The following PPM1B variants were observed in gnomAD, a reference collection of about 807,000 sequenced individuals.
PPM1B encodes the protein protein phosphatase, Mg2+/Mn2+ dependent 1B, also known as protein phosphatase 1B.
A neutral mutation model predicts 43.0 loss-of-function variants in PPM1B; 22 were observed. The ratio of observed to expected loss-of-function variants is 0.51; its 90% CI spans 0.37 to 0.73. PPM1B has a LOEUF of 0.73. PPM1B is among the 30% of genes least tolerant of loss of function. The probability of loss-of-function intolerance (pLI) is 0.00; values close to 1 mark genes in which losing one functional copy is unlikely to be tolerated. For synonymous variants in PPM1B, 217 were observed against 197.9 expected, an observed-to-expected ratio of 1.10 and a Z score of -0.81; for missense variants, 632 against 584.2, an observed-to-expected ratio of 1.08 and a Z score of -0.84.
chr2:44,209,371 TAG>T (rs1451081790), intron 3 of PPM1B, 44 bp downstream of exon 3: 1 of 1,603,284 alleles, frequency 6.2e-7, no homozygotes, highest in African/African-American at 1.3e-5. Context: ...CCAGGCACGG[TAG>T]CTCATGCCTG....
intron 1 of PPM1B, among the ~76,000 whole-genome samples, chr2:44,178,068 C>T (rs908608925): frequency 6.6e-6 from 1 of 151,796 alleles, no homozygotes; most frequent in Admixed American, 6.6e-5. Context: ...CAGGCGTGCA[C>T]CAACACATCT....
At chr2:44,245,159 C>A (rs1670833230), downstream of PPM1B, among the ~76,000 whole-genome samples, 1 of 152,146 alleles carries the variant, frequency 6.6e-6, no homozygotes, top group Non-Finnish European at 1.5e-5. Flanking sequence ...GCCAATAAAG[C>A]AAACTCTTTG....
At chr2:44,206,359 T>G (rs182000382) in intron 2 of PPM1B, among the ~76,000 whole-genome samples, 4 of 152,162 alleles carry the variant, frequency 2.6e-5, no homozygotes, top group Non-Finnish European at 5.9e-5. Flanking sequence ...CTGAAACATA[T>G]TCATACTTGG....
chr2:44,221,837 A>G (rs967828999), intron 5 of PPM1B, among the ~76,000 whole-genome samples: 3 of 152,120 alleles, frequency 2.0e-5, no homozygotes, highest in African/African-American at 2.4e-5. Flanking sequence ...AGTAATTTTA[A>G]TATATATTCA....
intron 1 of PPM1B, among the ~76,000 whole-genome samples, chr2:44,189,480 T>G (rs1278056655): frequency 1.3e-5 from 2 of 152,180 alleles, no homozygotes; most frequent in Non-Finnish European, 1.5e-5. Context: ...TTTATTTATT[T>G]ATTGATTTTC....
intron 2 of PPM1B, 103 bp downstream of exon 2, chr2:44,202,148 A>C (rs1487117958): frequency 1.7e-6 from 2 of 1,166,330 alleles, no homozygotes; most frequent in Non-Finnish European, 2.3e-6. Context: ...ATATTTTCAC[A>C]GAAGCTGTAT....
chr2:44,194,853 A>T (rs553784794), intron 1 of PPM1B, among the ~76,000 whole-genome samples: 4 of 150,118 alleles, frequency 2.7e-5, no homozygotes, highest in Non-Finnish European at 5.9e-5. Context: ...CTAAACCCAG[A>T]GTCTCTATAG....
chr2:44,200,822 A>T (rs1469353989), intron 1 of PPM1B, among the ~76,000 whole-genome samples: 1 of 152,210 alleles, frequency 6.6e-6, no homozygotes, highest in Non-Finnish European at 1.5e-5. Context: ...TCACCTTGTA[A>T]ATTAAATCAG....
At chr2:44,197,920 C>T (rs1668738578) in intron 1 of PPM1B, among the ~76,000 whole-genome samples, 1 of 152,076 alleles carries the variant, frequency 6.6e-6, no homozygotes, top group African/African-American at 2.4e-5. Context: ...TGTTACTTTT[C>T]TAGTCGAAAG....
chr2:44,201,998 G>T lies in PPM1B; in HGVS notation c.799G>T (p.Asp267Tyr). The T allele has an allele frequency of 6.2e-7, 1 of 1,611,070 alleles. No homozygotes were observed. Among genetic ancestry groups the T allele is most frequent in the South Asian group, 1.1e-5 (1 of 90,496 alleles). The change falls in exon 2 of 6, where the codon GAC becomes TAC. Residue 267 changes from aspartate to tyrosine, a missense_variant. Asp to Tyr is a radical substitution (Grantham distance 160). Around this residue, in one of 3 missense-constraint regions of PPM1B, gnomAD observed 392 missense variants for 302.7 expected, o/e 1.29. Coordinates refer to ENST00000282412, the MANE Select transcript of PPM1B (RefSeq NM_002706.6). This position sits in a 1 kb window ranked among gnomAD's most constrained non-coding sequence, Gnocchi z 5.4. ...YVKSRLEVSD[D>Y]LENVCNWVVD... The stretch of plus-strand genomic sequence containing the variant: ...TAAATCTAGGCTTGAGGTATCTGAT[G>T]ACCTGGAAAATGTGTGCAATTGGGT...
At chr2:44,219,911 C>G (rs1669894193) in intron 5 of PPM1B, among the ~76,000 whole-genome samples, 3 of 151,454 alleles carry the variant, frequency 2.0e-5, no homozygotes. Flanking sequence ...CCATTGCACT[C>G]CACCCTGGGC....
chr2:44,211,687 C>T (rs1669473323), intron 3 of PPM1B, among the ~76,000 whole-genome samples: 1 of 150,318 alleles, frequency 6.7e-6, no homozygotes, highest in Non-Finnish European at 1.5e-5. Flanking sequence ...TTTTAGCATC[C>T]ATTTGCGATT....
chr2:44,244,389 T>C (rs1179401093), downstream of PPM1B: 3 of 1,340,144 alleles, frequency 2.2e-6, no homozygotes, highest in Admixed American at 5.9e-5. Context: ...ATTATAGTAT[T>C]TGTACTGCTG....
At chr2:44,237,829 CT>C (rs1433991161), downstream of PPM1B, among the ~76,000 whole-genome samples, 1 of 150,874 alleles carries the variant, frequency 6.6e-6, no homozygotes, top group African/African-American at 2.4e-5. Flanking sequence ...TTTACACTTA[CT>C]TTTTTGGGCA....
intron 1 of PPM1B, among the ~76,000 whole-genome samples, chr2:44,192,205 T>TGTATC: frequency 6.6e-6 from 1 of 151,472 alleles, no homozygotes; most frequent in Admixed American, 6.6e-5. Context: ...TGTATTGTAT[T>TGTATC]GTATTGTATT....
At chr2:44,186,698 A>G (rs1280029399) in intron 1 of PPM1B, among the ~76,000 whole-genome samples, 1 of 152,244 alleles carries the variant, frequency 6.6e-6, no homozygotes, top group African/African-American at 2.4e-5. Flanking sequence ...AAAGGTTTAT[A>G]CAACTATTTA....
intron 2 of PPM1B, among the ~76,000 whole-genome samples, chr2:44,205,354 G>GGTGTGTGTGTCGGGGGGTGTGTGT (rs1553333036): frequency 1.1e-5 from 1 of 91,720 alleles, no homozygotes; most frequent in Admixed American, 1.3e-4. Flanking sequence ...TGTGGGTGTG[G>GGTGTGTGTGTCGGGGGGTGTGTGT]GTGTGTGTGT....
At chr2:44,192,914 C>T (rs1668474830) in intron 1 of PPM1B, among the ~76,000 whole-genome samples, 1 of 152,152 alleles carries the variant, frequency 6.6e-6, no homozygotes, top group Non-Finnish European at 1.5e-5. Flanking sequence ...TTTTTTAAGG[C>T]TGAACAGTAT....
intron 3 of PPM1B, among the ~76,000 whole-genome samples, chr2:44,211,529 G>C (rs1007729181): frequency 6.6e-6 from 1 of 151,904 alleles, no homozygotes; most frequent in Non-Finnish European, 1.5e-5. Flanking sequence ...GACTTGCTTG[G>C]GTTGTTGTCT....
Sources: gnomAD v4.1 joint callset for allele counts (sites outside exome capture counted in the v4.1 genomes callset) on GRCh38, gnomAD v4.1.1 for gene constraint, gnomAD v4.1.1 regional missense constraint, Gnocchi (gnomAD v3.1) non-coding constraint, MANE v1.5 for transcripts, NCBI Gene and HGNC (gene_info 2026-07-23, HGNC 2026-07-21) for gene names.